The following WWOX variants were observed in gnomAD, a reference collection of about 807,000 sequenced individuals.
WWOX encodes WW domain-containing oxidoreductase.
In WWOX, 69 loss-of-function variants were observed where a neutral mutation model predicts 46.2. The observed-to-expected ratio is 1.49, with a 90% CI of 1.23 to 1.82. The LOEUF (loss-of-function observed/expected upper bound fraction) is 1.82, where lower values mean the gene tolerates loss of function less well. Among genes scored for constraint, WWOX ranks in the 40% most tolerant of loss-of-function variants. WWOX has a pLI of 0.00. For missense variants in WWOX, 919 were observed against 542.6 expected (o/e 1.69, Z -6.89); for synonymous variants, 359 against 202.6 (o/e 1.77, Z -6.56).
At chr16:78,795,234 A>T (rs2050706271) in intron 8 of WWOX, among the ~76,000 whole-genome samples, 1 of 152,172 alleles carries the variant, frequency 6.6e-6, no homozygotes, top group Admixed American at 6.5e-5. Flanking sequence ...CTTCACAGAT[A>T]TTCTCTTTCT....
chr16:78,281,258 C>T (rs1032577583), intron 5 of WWOX, among the ~76,000 whole-genome samples: 11 of 152,212 alleles, frequency 7.2e-5, no homozygotes, highest in African/African-American at 2.4e-4. Flanking sequence ...CATGAGGGCT[C>T]CGCCCCAGTG....
At chr16:78,465,499 G>T (rs756744947) in intron 8 of WWOX, among the ~76,000 whole-genome samples, 2 of 152,166 alleles carry the variant, frequency 1.3e-5, no homozygotes, top group Admixed American at 6.5e-5. Context: ...GTTTGTTAAA[G>T]AACTGTCTGT....
intron 8 of WWOX, among the ~76,000 whole-genome samples, chr16:79,134,763 G>A (rs1047148998): frequency 6.6e-6 from 1 of 152,184 alleles, no homozygotes; most frequent in Non-Finnish European, 1.5e-5. Flanking sequence ...TACTTAGCCA[G>A]GGGATTTAGA....
intron 8 of WWOX, among the ~76,000 whole-genome samples, chr16:78,821,573 C>G (rs2051495529): frequency 6.6e-6 from 1 of 152,176 alleles, no homozygotes; most frequent in Non-Finnish European, 1.5e-5. Context: ...CAGGGTCAAG[C>G]TCAGATGACC....
chr16:78,547,920 G>C (rs1354170384), intron 8 of WWOX, among the ~76,000 whole-genome samples: 2 of 152,104 alleles, frequency 1.3e-5, no homozygotes, highest in Non-Finnish European at 2.9e-5. Context: ...GGGAGGCTGA[G>C]ATGGGCAGAT....
At chr16:78,550,112 A>C (rs1400407947) in intron 8 of WWOX, among the ~76,000 whole-genome samples, 2 of 152,220 alleles carry the variant, frequency 1.3e-5, no homozygotes, top group African/African-American at 4.8e-5. Flanking sequence ...GAATCTTTAA[A>C]AATTTCTTTG....
At chr16:78,574,235 A>G (rs950091033) in intron 8 of WWOX, among the ~76,000 whole-genome samples, 13 of 152,202 alleles carry the variant, frequency 8.5e-5, no homozygotes, top group Admixed American at 6.5e-4. Context: ...GGTGTCTTAC[A>G]TGCCCAATGT....
chr16:78,873,327 A>G (rs75685478), intron 8 of WWOX: 2 of 152,210 alleles, frequency 1.3e-5, no homozygotes, highest in African/African-American at 2.4e-5. Context: ...ACTAGCTCCT[A>G]TTATCAGAGA....
chr16:78,929,088 A>G (rs985916278), intron 8 of WWOX, among the ~76,000 whole-genome samples: 1 of 152,206 alleles, frequency 6.6e-6, no homozygotes, highest in South Asian at 2.1e-4. Flanking sequence ...CCAAGTAGAC[A>G]TCATGTCAAA....
intron 8 of WWOX, among the ~76,000 whole-genome samples, chr16:79,147,800 C>T (rs2050208203): frequency 6.6e-6 from 1 of 152,150 alleles, no homozygotes; most frequent in South Asian, 2.1e-4. Context: ...TGATATTTCA[C>T]TGTGGTTTTA....
intron 8 of WWOX, among the ~76,000 whole-genome samples, chr16:78,483,796 A>G (rs1489857844): frequency 2.0e-5 from 3 of 152,040 alleles, no homozygotes; most frequent in African/African-American, 7.2e-5. Context: ...TTGTTTATTT[A>G]TTTAACTCAC....
At chr16:78,584,188 G>A (rs1362336630) in intron 8 of WWOX, among the ~76,000 whole-genome samples, 1 of 152,114 alleles carries the variant, frequency 6.6e-6, no homozygotes, top group East Asian at 1.9e-4. Context: ...ACAAGGCCTG[G>A]CATAATCATT....
At chr16:78,843,759 A>G (rs2052223765) in intron 8 of WWOX, among the ~76,000 whole-genome samples, 1 of 152,224 alleles carries the variant, frequency 6.6e-6, no homozygotes. Flanking sequence ...TGCATCAAAT[A>G]TTTAGCCAGA....
intron 8 of WWOX, among the ~76,000 whole-genome samples, chr16:79,029,669 C>T (rs1720698443): frequency 6.6e-6 from 1 of 152,102 alleles, no homozygotes; most frequent in South Asian, 2.1e-4. Context: ...AATTGCTTGT[C>T]CTTTAAACTT....
intron 8 of WWOX, among the ~76,000 whole-genome samples, chr16:79,171,836 TA>T (rs531892239): frequency 2.4e-3 from 354 of 147,680 alleles, no homozygotes; most frequent in African/African-American, 7.1e-3. Context: ...TCCTTTTCAA[TA>T]AAAAAAAAAA....
rs574415626 is a variant in WWOX, at chr16:78,972,851, C to A, written c.1057-238757C>A. On this transcript the variant is annotated intron_variant, in intron 8 of 8. Coordinates refer to ENST00000566780, the MANE Select transcript of WWOX (RefSeq NM_016373.4). ...GAACAGACCCATTTAATAAATCTGT[C>A]CTCTGAACTTAACACGTCTCCCCGC... Among the ~76,000 whole-genome samples the A allele has an allele frequency of 3.3e-5, 5 of 152,274 alleles. No individual in the cohort carries two copies. In the South Asian group the frequency reaches 1.0e-3, roughly 32 times the overall value.
At chr16:78,141,499 A>G (rs916224097) in intron 4 of WWOX, among the ~76,000 whole-genome samples, 4 of 146,948 alleles carry the variant, frequency 2.7e-5, no homozygotes, top group African/African-American at 1.0e-4. Context: ...CCCATTCTAC[A>G]AGGGAAAAAT....
At chr16:78,784,183 C>G (rs1279825741) in intron 8 of WWOX, among the ~76,000 whole-genome samples, 1 of 152,140 alleles carries the variant, frequency 6.6e-6, no homozygotes, top group African/African-American at 2.4e-5. Context: ...GTAACGTGCA[C>G]ATCATTCAAT....
chr16:78,883,558 T>G (rs945316934), intron 8 of WWOX, among the ~76,000 whole-genome samples: 3 of 151,944 alleles, frequency 2.0e-5, no homozygotes, highest in African/African-American at 7.3e-5. Context: ...ACCCCATCTC[T>G]ACTAAAAATA....
Sources: gnomAD v4.1 joint callset for allele counts (sites outside exome capture counted in the v4.1 genomes callset) on GRCh38, gnomAD v4.1.1 for gene constraint, MANE v1.5 for transcripts, NCBI Gene and HGNC (gene_info 2026-07-23, HGNC 2026-07-21) for gene names.